The following GATM variants were observed in gnomAD, a reference collection of about 807,000 sequenced individuals.
The protein encoded by GATM is glycine amidinotransferase.
GATM carries 23 observed loss-of-function variants against 54.2 expected under a neutral mutation model. The observed-to-expected ratio is 0.42, with a 90% CI of 0.31 to 0.60. The LOEUF is 0.60. Ranked by LOEUF, GATM falls within the 20% of genes least tolerant of loss-of-function variation. The pLI is 0.14. For synonymous variants in GATM, 168 were observed against 183.1 expected (o/e 0.92, Z 0.67); for missense variants, 401 against 544.9 (o/e 0.74, Z 2.63).
intron 4 of GATM, 74 bp downstream of exon 4, chr15:45,367,996 G>C (rs1889475326): frequency 7.5e-7 from 1 of 1,325,382 alleles, no homozygotes; most frequent in Non-Finnish European, 1.1e-6. Context: ...CAAGGTATCA[G>C]AGAATCTCTA....
intron 3 of GATM, among the ~76,000 whole-genome samples, 164 bp downstream of exon 3, chr15:45,369,162 T>C (rs1889496141): frequency 6.6e-6 from 1 of 152,234 alleles, no homozygotes; most frequent in South Asian, 2.1e-4. Flanking sequence ...TACATCTTAA[T>C]CATATCAACA....
upstream of GATM, among the ~76,000 whole-genome samples, chr15:45,381,978 T>A (rs1595487780): frequency 6.6e-6 from 1 of 152,284 alleles, no homozygotes; most frequent in East Asian, 1.9e-4. Flanking sequence ...TGAGAGAGAT[T>A]TTCCACTGTA....
chr15:45,397,872 A>G (rs887357866), intron 2 of GATM, among the ~76,000 whole-genome samples: 1 of 152,204 alleles, frequency 6.6e-6, no homozygotes, highest in Non-Finnish European at 1.5e-5. Flanking sequence ...GAATTGAATT[A>G]GAGGACACCC....
intron 3 of GATM, among the ~76,000 whole-genome samples, chr15:45,384,776 A>G (rs2140669424): frequency 6.6e-6 from 1 of 152,018 alleles, no homozygotes; most frequent in African/African-American, 2.4e-5. Flanking sequence ...TGGTGCGATC[A>G]TAGCTCACTG....
At chr15:45,367,166 C>A (rs569748295) in intron 4 of GATM, among the ~76,000 whole-genome samples, 1 of 152,196 alleles carries the variant, frequency 6.6e-6, no homozygotes, top group East Asian at 1.9e-4. Context: ...CATGGTGAAA[C>A]CCCGTTTCTA....
At chr15:45,380,382 T>C (rs999951731), upstream of GATM, 5 of 152,160 alleles carry the variant, frequency 3.3e-5, no homozygotes, top group Non-Finnish European at 7.3e-5. Flanking sequence ...ATTTGCTGTG[T>C]GACCTGGAAC....
intron 3 of GATM, among the ~76,000 whole-genome samples, chr15:45,390,766 T>G (rs1297636933): frequency 6.7e-6 from 1 of 148,432 alleles, no homozygotes; most frequent in Non-Finnish European, 1.5e-5. Context: ...TAAAATGAAG[T>G]ATATGATTCC....
chr15:45,364,611 G>C (rs1889418585), intron 7 of GATM, 186 bp downstream of exon 7: 1 of 599,220 alleles, frequency 1.7e-6, no homozygotes, highest in Non-Finnish European at 3.0e-6. Flanking sequence ...ATTTTCTATG[G>C]ATGAAAAAGT....
chr15:45,373,508 A>AT (rs941327293), intron 2 of GATM, among the ~76,000 whole-genome samples: 9 of 133,690 alleles, frequency 6.7e-5, no homozygotes, highest in South Asian at 2.4e-4. Context: ...ATCTTAAAAA[A>AT]ATATATATCT....
intron 3 of GATM, among the ~76,000 whole-genome samples, chr15:45,391,560 G>A (rs1555385348): frequency 6.6e-6 from 1 of 152,244 alleles, no homozygotes; most frequent in Non-Finnish European, 1.5e-5. Context: ...AAATAGCTGA[G>A]ATTTTGACTT....
At chr15:45,385,126 C>T (rs955225871) in intron 3 of GATM, among the ~76,000 whole-genome samples, 1 of 152,172 alleles carries the variant, frequency 6.6e-6, no homozygotes, top group Non-Finnish European at 1.5e-5. Flanking sequence ...GTTAGTGAAT[C>T]TCTATCATTA....
chr15:45,385,200 A>T (rs1342199840), intron 3 of GATM, among the ~76,000 whole-genome samples: 2 of 152,190 alleles, frequency 1.3e-5, no homozygotes, highest in Non-Finnish European at 2.9e-5. Context: ...TGTTGCAGGA[A>T]ATATTTTTGG....
At chr15:45,393,273 G>T (rs1173409930) in intron 3 of GATM, among the ~76,000 whole-genome samples, 1 of 152,158 alleles carries the variant, frequency 6.6e-6, no homozygotes, top group Non-Finnish European at 1.5e-5. Flanking sequence ...TTTGGTTATA[G>T]CGTAGCATAG....
chr15:45,365,818 A>C (rs976846187), intron 6 of GATM, among the ~76,000 whole-genome samples: 1 of 152,228 alleles, frequency 6.6e-6, no homozygotes, highest in East Asian at 1.9e-4. Flanking sequence ...CAAGTGGCCA[A>C]AGTCTGATGA....
intron 3 of GATM, chr15:45,396,869 C>CAAAAAAAAAAAAAA (rs57667717): frequency 1.5e-5 from 1 of 66,456 alleles, no homozygotes; most frequent in Non-Finnish European, 2.9e-5. Flanking sequence ...GACTCCGTCT[C>CAAAAAAAAAAAAAA]AAAAAAAAAA....
At chr15:45,382,296 G>A (rs531465829), upstream of GATM, among the ~76,000 whole-genome samples, 7 of 152,150 alleles carry the variant, frequency 4.6e-5, no homozygotes, top group Non-Finnish European at 1.0e-4. Context: ...CCTTGGCATA[G>A]GGGAGTTACC....
chr15:45,378,548 C>T, upstream of GATM: 4 of 897,758 alleles, frequency 4.5e-6, no homozygotes, highest in Non-Finnish European at 4.4e-6. Flanking sequence ...GCGGGGTGGG[C>T]GGGCGCGCGG....
Position 45,378,537 on chromosome 15 carries a change from A to G in GATM, c.-84T>C. 9.0e-7 allele frequency: 1 copy of G among 1,113,522 alleles called. No homozygotes were observed. The highest frequency in any genetic ancestry group is 1.2e-6 in the Non-Finnish European group (1 of 863,680). The allele number at this position is 1,113,522 out of a possible 1,614,324, so 69.0% of individuals were successfully genotyped here. ...CAAGCCTTCCCGAGAGCGCGCCCGGAGCGGGGTGGGCGGGCGCGCGGGGCC... is the reference window on the plus strand; with the variant it reads ...CAAGCCTTCCCGAGAGCGCGCCCGGGGCGGGGTGGGCGGGCGCGCGGGGCC... On this transcript the variant is annotated 5_prime_UTR_variant, in exon 1 of 9. Coordinates refer to ENST00000396659, the MANE Select transcript of GATM (RefSeq NM_001482.3).
chr15:45,378,304 A>T, intron 1 of GATM, 81 bp downstream of exon 1: 1 of 1,104,804 alleles, frequency 9.1e-7, no homozygotes, highest in Non-Finnish European at 1.3e-6. Context: ...GGCTCCGGGC[A>T]GGGAGCGAGC....
Sources: gnomAD v4.1 joint callset for allele counts (sites outside exome capture counted in the v4.1 genomes callset) on GRCh38, gnomAD v4.1.1 for gene constraint, MANE v1.5 for transcripts, NCBI Gene and HGNC (gene_info 2026-07-23, HGNC 2026-07-21) for gene names.